The following STAG1 variants were observed in gnomAD, a reference collection of about 807,000 sequenced individuals.
The protein encoded by STAG1 is cohesin subunit SA-1.
STAG1 carries 26 observed loss-of-function variants against 170.9 expected under a neutral mutation model. That is an observed-to-expected ratio of 0.15 (90% CI 0.11 to 0.21). The LOEUF (loss-of-function observed/expected upper bound fraction) is 0.21, where lower values mean the gene tolerates loss of function less well. STAG1 is among the 10% of genes least tolerant of loss of function. The pLI is 1.00. For missense variants in STAG1, 964 were observed against 1,509.5 expected (o/e 0.64, Z 5.99); for synonymous variants, 514 against 497.7 (o/e 1.03, Z -0.44).
intron 23 of STAG1, among the ~76,000 whole-genome samples, chr3:136,371,941 C>T (rs1015129438): frequency 6.6e-5 from 10 of 152,204 alleles, no homozygotes; most frequent in African/African-American, 1.2e-4. Flanking sequence ...ATAAATTACC[C>T]TGGGCAGTAC....
At chr3:136,691,578 G>C (rs1942724809) in intron 1 of STAG1, among the ~76,000 whole-genome samples, 1 of 152,162 alleles carries the variant, frequency 6.6e-6, no homozygotes, top group Admixed American at 6.5e-5. Flanking sequence ...GTAGTAGCTG[G>C]TGTGTCTGAG....
chr3:136,338,900 T>C (rs1292253532), intron 32 of STAG1, among the ~76,000 whole-genome samples: 2 of 152,180 alleles, frequency 1.3e-5, no homozygotes, highest in Non-Finnish European at 2.9e-5. Context: ...TTACAAAACT[T>C]ACAAAAACTT....
chr3:136,452,876 G>A (rs2088986058), intron 13 of STAG1, among the ~76,000 whole-genome samples: 1 of 152,162 alleles, frequency 6.6e-6, no homozygotes, highest in South Asian at 2.1e-4. Flanking sequence ...TGCAACCTCT[G>A]CCTCTCGGGT....
At chr3:136,411,570 T>G (rs558675272) in intron 21 of STAG1, among the ~76,000 whole-genome samples, 4 of 152,266 alleles carry the variant, frequency 2.6e-5, no homozygotes, top group African/African-American at 9.6e-5. Flanking sequence ...TTTCATAGAT[T>G]AAAAATAATT....
chr3:136,720,927 G>A (rs944434686), intron 1 of STAG1, among the ~76,000 whole-genome samples: 3 of 152,228 alleles, frequency 2.0e-5, no homozygotes, highest in African/African-American at 7.2e-5. Context: ...AATATGCTCT[G>A]AGATGACACA....
At chr3:136,652,599 G>A (rs912069660) in intron 1 of STAG1, among the ~76,000 whole-genome samples, 1 of 152,124 alleles carries the variant, frequency 6.6e-6, no homozygotes, top group Non-Finnish European at 1.5e-5. Context: ...AATTAGAAAG[G>A]AAGAGACCAG....
intron 13 of STAG1, among the ~76,000 whole-genome samples, chr3:136,458,157 G>GT (rs1328170026): frequency 1.1e-4 from 16 of 151,762 alleles, no homozygotes; most frequent in African/African-American, 3.4e-4. Flanking sequence ...TGTTTTGTTT[G>GT]TTTGTTTGTT....
chr3:136,490,352 G>A lies in STAG1; in HGVS notation c.902+9871C>T, dbSNP rs546623434. 2.0e-5 allele frequency among the ~76,000 whole-genome samples: 3 copies of A among 152,236 alleles called. No homozygotes were observed. In the South Asian group the frequency reaches 6.2e-4, roughly 32 times the overall value. The stretch of plus-strand genomic sequence containing the variant: ...TGCTAAGAGTTATTTTAGATGTATT[G>A]AAAATGTGGCAAGTTTATAAAACTA... On this transcript the variant is annotated intron_variant, in intron 9 of 33. Transcript: ENST00000383202.
chr3:136,418,402 G>GAAAAAAAAAA (rs1559789147), intron 20 of STAG1, among the ~76,000 whole-genome samples: 2 of 89,392 alleles, frequency 2.2e-5, no homozygotes, highest in East Asian at 3.9e-4. Context: ...AAAAAAAAAG[G>GAAAAAAAAAA]TTTTTTTCAT....
intron 5 of STAG1, among the ~76,000 whole-genome samples, chr3:136,559,555 C>T (rs995336252): frequency 6.6e-6 from 1 of 152,144 alleles, no homozygotes; most frequent in Non-Finnish European, 1.5e-5. Context: ...CACTAACTCC[C>T]GGTCAGTCAC....
chr3:136,471,120 T>TA (rs11361791), intron 12 of STAG1, among the ~76,000 whole-genome samples: 19 of 146,802 alleles, frequency 1.3e-4, no homozygotes, highest in Middle Eastern at 3.5e-3. Flanking sequence ...GAAGTTAAAT[T>TA]AAAAAAAAAA....
At chr3:136,612,555 C>T (rs79554004) in intron 3 of STAG1, among the ~76,000 whole-genome samples, 2,614 of 152,194 alleles carry the variant, frequency 0.017, 80 homozygotes, top group African/African-American at 0.06. Flanking sequence ...TAGCTGGACA[C>T]GGTGGCATGT....
Position 136,421,167 on chromosome 3 carries a change from T to TA in STAG1, c.2038-5dup, listed in dbSNP as rs748993808. On this transcript the variant is annotated splice_region_variant and splice_polypyrimidine_tract_variant and intron_variant, in intron 19 of 33. Coordinates refer to ENST00000383202, the MANE Select transcript of STAG1 (RefSeq NM_005862.3). ...CATCATCATCAGCTTCTTCTCCCTATAAAAAAAGGAAACATCACATCATTA... is the reference window on the plus strand; with the variant it reads ...CATCATCATCAGCTTCTTCTCCCTATAAAAAAAAGGAAACATCACATCATTA... The TA allele has an allele frequency of 8.8e-6, 14 of 1,597,460 alleles. No homozygotes were observed. Among genetic ancestry groups the TA allele is most frequent in the African/African-American group, 6.8e-5 (5 of 74,010 alleles).
chr3:136,658,486 A>G (rs887185549), intron 1 of STAG1, among the ~76,000 whole-genome samples: 2 of 152,344 alleles, frequency 1.3e-5, no homozygotes, highest in African/African-American at 4.8e-5. Flanking sequence ...AAATATAACT[A>G]TACACCAGCA....
At chr3:136,403,249 A>AAAAAG (rs1560090466) in intron 21 of STAG1, among the ~76,000 whole-genome samples, 180 of 144,180 alleles carry the variant, frequency 1.2e-3, no homozygotes, top group East Asian at 0.01. Flanking sequence ...AAAAAAAAAA[A>AAAAAG]AAAAGAAAAG....
chr3:136,366,927 G>A lies in STAG1; in HGVS notation c.2685+16C>T, dbSNP rs775105516. ...CCAGTTAGAGGAAGGAGAAAAATAA[G>A]AATATTTAACTATACCTTCATGTAG... On this transcript the variant is annotated intron_variant, in intron 25 of 33. Transcript: ENST00000383202. The A allele has an allele frequency of 1.3e-6, 2 of 1,526,034 alleles. No individual in the cohort carries two copies. Among genetic ancestry groups the A allele is most frequent in the South Asian group, 2.6e-5 (2 of 77,236 alleles). The allele number at this position is 1,526,034 out of a possible 1,614,324, so 94.5% of individuals were successfully genotyped here. A position where few individuals can be genotyped will look rare whatever the true frequency, so the allele number is the denominator to read the frequency against.
chr3:136,678,099 G>A (rs1942197186), intron 1 of STAG1, among the ~76,000 whole-genome samples: 1 of 150,508 alleles, frequency 6.6e-6, no homozygotes, highest in Non-Finnish European at 1.5e-5. Flanking sequence ...GAAAAGCAGT[G>A]ATAGAAGTAT....
In STAG1 at chr3:136,418,311, G is replaced by A. The variant is rs1380117040; in HGVS notation, c.2109-339C>T. ...GGACACGGAGGTTGCAGTGAGCCAA[G>A]ATTGCGCCACTGCACTCCAGCCTGG... On this transcript the variant is annotated intron_variant, in intron 20 of 33. Transcript: ENST00000383202. Among the ~76,000 whole-genome samples, 97 of 119,348 alleles carry A rather than the reference G, an allele frequency of 8.1e-4. 1 individual carries two copies. Among genetic ancestry groups the A allele is most frequent in the South Asian group, 3.0e-4 (1 of 3,358 alleles). The allele number at this position is 119,348 out of a possible 152,430, so 78.3% of individuals were successfully genotyped here.
At chr3:136,421,046 C>T (rs2087940155) in intron 20 of STAG1, 47 bp downstream of exon 20, 2 of 1,234,966 alleles carry the variant, frequency 1.6e-6, no homozygotes, top group Admixed American at 2.1e-5. Flanking sequence ...GTTGGGGTTA[C>T]AGGCATGAGC....
Sources: gnomAD v4.1 joint callset for allele counts (sites outside exome capture counted in the v4.1 genomes callset) on GRCh38, gnomAD v4.1.1 for gene constraint, MANE v1.5 for transcripts, NCBI Gene and HGNC (gene_info 2026-07-23, HGNC 2026-07-21) for gene names.